CYP4F22: variants seen among roughly 807,000 people sequenced by gnomAD.
The protein encoded by CYP4F22 is ultra-long-chain fatty acid omega-hydroxylase.
CYP4F22 carries 37 observed loss-of-function variants against 60.4 expected under a neutral mutation model. The ratio of observed to expected loss-of-function variants is 0.61; its 90% CI spans 0.47 to 0.81. The LOEUF (loss-of-function observed/expected upper bound fraction) is 0.81. CYP4F22 is among the 30% of genes least tolerant of loss of function. CYP4F22 has a pLI of 0.00. For synonymous variants in CYP4F22, 258 were observed against 280.5 expected, an observed-to-expected ratio of 0.92 and a Z score of 0.80; for missense variants, 655 against 715.0, an observed-to-expected ratio of 0.92 and a Z score of 0.96.
At chr19:15,547,989 GA>G in intron 10 of CYP4F22, 118 bp from the exon 11 acceptor site, 1 of 305,928 alleles carries the variant, frequency 3.3e-6, no homozygotes, top group Non-Finnish European at 5.0e-6. Flanking sequence ...GAGAGAGAGA[GA>G]GAGAGGGAGA....
rs75003435 is a variant in CYP4F22 at position 15,519,864 on chromosome 19, C to T, written c.-108-3829C>T. Among the ~76,000 whole-genome samples, 1,492 of 152,200 alleles carry T rather than the reference C, an allele frequency of 9.8e-3. 16 individuals carry two copies. Among genetic ancestry groups the T allele is most frequent in the Middle Eastern group, 0.034 (10 of 294 alleles). ...CCACACCCACTGACCGGGCTGCAGA[C>T]GAAAAGGTCACACTGGTGTGGACCC... On this transcript the variant is annotated intron_variant, in intron 1 of 13. Coordinates refer to ENST00000269703, the MANE Select transcript of CYP4F22 (RefSeq NM_173483.4).
At chr19:15,516,547 A>C (rs1247776774) in intron 1 of CYP4F22, 6 of 244,224 alleles carry the variant, frequency 2.5e-5, no homozygotes, top group Non-Finnish European at 4.8e-5. Context: ...CCCTTTATGC[A>C]GAAAGTAAAA....
chr19:15,532,433 G>A (rs1971353411), intron 4 of CYP4F22, among the ~76,000 whole-genome samples: 1 of 151,562 alleles, frequency 6.6e-6, no homozygotes, highest in Non-Finnish European at 1.5e-5. Flanking sequence ...GGAGTGCAGT[G>A]GCATGATCTC....
rs769229606 is a variant in CYP4F22 at position 15,544,228 on chromosome 19, G to A, written c.1085G>A (p.Arg362Gln). ...TATCCGGAATACCAGGAGAAATGCC[G>A]AGAAGAGATTCAGGAAGTCATGAAA... ...AKYPEYQEKC[R>Q]EEIQEVMKGR... The change falls in exon 10 of 14, where the codon CGA (arginine) becomes CAA (glutamine). Residue 362 changes from arginine (R) to glutamine (Q), a missense_variant. Arg to Gln is a conservative substitution (Grantham distance 43). Around this residue, in one of 3 missense-constraint regions of CYP4F22, gnomAD observed 74 missense variants for 118.4 expected, o/e 0.62. Coordinates refer to ENST00000269703, the MANE Select transcript of CYP4F22 (RefSeq NM_173483.4). 5.6e-6 allele frequency: 9 copies of A among 1,614,030 alleles called. No individual in the cohort carries two copies. The highest frequency in any genetic ancestry group is 1.3e-5 in the African/African-American group (1 of 74,916).
At chr19:15,512,756 C>T (rs1329905576) in intron 1 of CYP4F22, among the ~76,000 whole-genome samples, 3 of 152,144 alleles carry the variant, frequency 2.0e-5, no homozygotes, top group African/African-American at 7.2e-5. Context: ...ACCTTTCCTC[C>T]ATTATCTAAA....
intron 8 of CYP4F22, among the ~76,000 whole-genome samples, chr19:15,542,490 T>C (rs1237514308): frequency 6.6e-6 from 1 of 152,170 alleles, no homozygotes; most frequent in Admixed American, 6.5e-5. Context: ...TGAGCCAAGA[T>C]TGCGCCACTG....
chr19:15,535,240 G>A (rs7259310), intron 4 of CYP4F22, among the ~76,000 whole-genome samples: 8,972 of 152,218 alleles, frequency 0.059, 298 homozygotes, highest in African/African-American at 0.078. Context: ...TAATTGCATG[G>A]TGTGTCTCTG....
At chr19:15,518,794 A>C (rs1313366666) in intron 1 of CYP4F22, among the ~76,000 whole-genome samples, 2 of 150,946 alleles carry the variant, frequency 1.3e-5, no homozygotes, top group African/African-American at 4.9e-5. Flanking sequence ...TCATGATCTG[A>C]TTTAATTTGA....
chr19:15,541,488 C>G (rs182520101), intron 8 of CYP4F22, among the ~76,000 whole-genome samples: 3 of 145,668 alleles, frequency 2.1e-5, no homozygotes, highest in African/African-American at 5.0e-5. Flanking sequence ...TCTCCAAACA[C>G]GGTCATAGCC....
chr19:15,525,513 C>T lies in CYP4F22; in HGVS notation c.177C>T (p.Phe59=), dbSNP rs118091316. Reference sequence around the variant, plus strand: ...TCACCTGCCGCCGGCTGCGCTGCTTCCCCCAGCCTCCCCGGCGCAACTGGC... The same window carrying T: ...TCACCTGCCGCCGGCTGCGCTGCTTTCCCCAGCCTCCCCGGCGCAACTGGC... ...FYITCRRLRC[F]PQPPRRNWLL... is the part of the protein sequence containing the mutation. Residue 59 remains phenylalanine (F), a synonymous_variant, in exon 3 of 14, where the codon TTC becomes TTT. Transcript: ENST00000269703. 16,433 of 1,612,182 alleles carry T rather than the reference C, an allele frequency of 0.01. 109 individuals carry two copies. Among genetic ancestry groups the T allele is most frequent in the Non-Finnish European group, 0.011 (13,388 of 1,179,874 alleles).
rs1213990694 is a variant in CYP4F22 at position 15,529,866 on chromosome 19, G to A, written c.367+13G>A. 6.2e-7 allele frequency: 1 copy of A among 1,613,742 alleles called. No individual in the cohort carries two copies. Among genetic ancestry groups the A allele is most frequent in the Non-Finnish European group, 8.5e-7 (1 of 1,180,024 alleles). On this transcript the variant is annotated intron_variant, in intron 4 of 13. Transcript: ENST00000269703. Reference sequence around the variant, plus strand: ...TTGGGAGCCTCAGGTACGTGGGCTGGGCCTCCGATCTATGGTTGAGTCCTC... The same window carrying A: ...TTGGGAGCCTCAGGTACGTGGGCTGAGCCTCCGATCTATGGTTGAGTCCTC...
intron 12 of CYP4F22, 121 bp from the exon 13 acceptor site, chr19:15,550,553 A>G (rs1234510276): frequency 1.1e-6 from 1 of 910,306 alleles, no homozygotes; most frequent in Admixed American, 1.8e-5. Context: ...GGTGGAATGG[A>G]AGAGGTGGCC....
chr19:15,521,093 A>C (rs374880020), intron 1 of CYP4F22, among the ~76,000 whole-genome samples: 31 of 152,082 alleles, frequency 2.0e-4, no homozygotes, highest in African/African-American at 7.2e-4. Flanking sequence ...ACTGAACAGG[A>C]TGCCCTCAAG....
At chr19:15,529,661 A>G (rs1392247363) in intron 3 of CYP4F22, 48 bp from the exon 4 acceptor site, 1 of 1,610,810 alleles carries the variant, frequency 6.2e-7, no homozygotes, top group African/African-American at 1.3e-5. Context: ...GCAGTGGGGG[A>G]AGCTGGGGCT....
rs1375122982 is a variant in CYP4F22 at position 15,537,855 on chromosome 19, A to G, written c.550-17A>G. 1.2e-6 allele frequency: 2 copies of G among 1,613,308 alleles called. No homozygotes were observed. The highest frequency in any genetic ancestry group is 2.7e-5 in the African/African-American group (2 of 74,994). ...TCTGTGGTTTCCATGCACAGTCACC[A>G]TGTATCTCTCTTCCAGGCTAAATGG... On this transcript the variant is annotated splice_polypyrimidine_tract_variant and intron_variant, in intron 6 of 13. Coordinates refer to ENST00000269703, the MANE Select transcript of CYP4F22 (RefSeq NM_173483.4).
Position 15,517,863 on chromosome 19 carries a change from A to G in CYP4F22, c.-108-5830A>G, listed in dbSNP as rs565507594. On this transcript the variant is annotated intron_variant, in intron 1 of 13. Transcript: ENST00000269703. ...GGAGCTGGTGTGGGCACAGCTGAGG[A>G]AAGGAATGTGGATGGAGGGAACAGA... Among the ~76,000 whole-genome samples the G allele has an allele frequency of 2.6e-5, 4 of 152,120 alleles. No homozygotes were observed. In the East Asian group the frequency reaches 7.7e-4, roughly 29 times the overall value.
At chr19:15,510,301 A>T (rs1016213566) in intron 1 of CYP4F22, among the ~76,000 whole-genome samples, 5 of 152,062 alleles carry the variant, frequency 3.3e-5, no homozygotes, top group African/African-American at 1.2e-4. Context: ...TTGTTGATAA[A>T]ACTTGGACCT....
rs781206441 is a variant in CYP4F22 at position 15,540,545 on chromosome 19, A to G, written c.767A>G (p.Tyr256Cys). Residue 256 changes from tyrosine (Y) to cysteine (C), a missense_variant, in exon 8 of 14, where the codon TAC (tyrosine) becomes TGC (cysteine). Physicochemically the swap from Tyr to Cys is radical, Grantham distance 194. Transcript: ENST00000269703. ...CACCACTACCTCGACTTCATTTACTACCGCTCGGCGGATGGGCGGAGGTTC... is the reference window on the plus strand; with the variant it reads ...CACCACTACCTCGACTTCATTTACTGCCGCTCGGCGGATGGGCGGAGGTTC... ...RLHHYLDFIY[Y>C]RSADGRRFRQ... 7.4e-6 allele frequency: 12 copies of G among 1,613,964 alleles called. No homozygotes were observed. The highest frequency in any genetic ancestry group is 6.8e-6 in the Non-Finnish European group (8 of 1,180,038).
chr19:15,549,196 C>T lies in CYP4F22; in HGVS notation c.1329C>T (p.Asp443=), dbSNP rs1223245099. Residue 443 remains aspartate, a synonymous_variant, in exon 12 of 14, where the codon GAC becomes GAT. Coordinates refer to ENST00000269703, the MANE Select transcript of CYP4F22 (RefSeq NM_173483.4). ...ACCACAACCCCACAGTGTGGCCTGA[C>T]TCCAAGGTGAGTGCCTGCCCCACTC... is the stretch of plus-strand genomic sequence containing the variant. ...GTHHNPTVWP[D]SKVYNPYRFD... 7 of 1,614,096 alleles carry T rather than the reference C, an allele frequency of 4.3e-6. No homozygotes were observed. The highest frequency in any genetic ancestry group is 3.4e-6 in the Non-Finnish European group (4 of 1,180,008).
Sources: allele counts gnomAD v4.1 joint callset (sites outside exome capture counted in the v4.1 genomes callset), GRCh38; gene constraint gnomAD v4.1.1; regional missense constraint gnomAD v4.1.1; transcripts MANE v1.5; gene names NCBI Gene and HGNC (gene_info 2026-07-23, HGNC 2026-07-21).